UBE2G1: variants seen among roughly 807,000 people sequenced by gnomAD.
UBE2G1 encodes the protein ubiquitin conjugating enzyme E2 G1.
A neutral mutation model predicts 22.7 loss-of-function variants in UBE2G1; 5 were observed. That is an observed-to-expected ratio of 0.22 (90% CI 0.12 to 0.46). UBE2G1 has a LOEUF of 0.46. Among genes scored for constraint, UBE2G1 ranks in the 20% least tolerant of loss-of-function variants. The probability of loss-of-function intolerance (pLI) is 0.99; values close to 1 mark genes in which losing one functional copy is unlikely to be tolerated. For synonymous variants in UBE2G1, 74 were observed against 67.5 expected (o/e 1.10, Z -0.47); for missense variants, 88 against 203.9 (o/e 0.43, Z 3.46).
At chr17:4,297,939 C>A (rs996967330) in intron 2 of UBE2G1, among the ~76,000 whole-genome samples, 1 of 152,116 alleles carries the variant, frequency 6.6e-6, no homozygotes, top group Non-Finnish European at 1.5e-5. Context: ...ATTCACTGAA[C>A]AAATATACAT....
rs148070398 is a variant in UBE2G1 at position 4,291,799 on chromosome 17, A to G, written c.248-2391T>C. Reference sequence around the variant, plus strand: ...TATTGATGCTGTTTAAATTTCATATATAACATCTGGTTTAATTCACTTTTC... The same window carrying G: ...TATTGATGCTGTTTAAATTTCATATGTAACATCTGGTTTAATTCACTTTTC... On this transcript the variant is annotated intron_variant, in intron 3 of 5. Transcript: ENST00000396981. 1.4e-4 allele frequency among the ~76,000 whole-genome samples: 22 copies of G among 152,302 alleles called. No homozygotes were observed. In the East Asian group the frequency reaches 4.2e-3, roughly 29 times the overall value.
chr17:4,311,248 T>A (rs12600527), intron 1 of UBE2G1, among the ~76,000 whole-genome samples: 83,473 of 151,564 alleles, frequency 0.55, 26,046 homozygotes, highest in East Asian at 0.8. Context: ...TAATTTTTTT[T>A]AAAAAAAGTA....
chr17:4,300,198 T>C (rs571066480), intron 2 of UBE2G1, among the ~76,000 whole-genome samples: 1 of 152,188 alleles, frequency 6.6e-6, no homozygotes, highest in African/African-American at 2.4e-5. Context: ...AGAATAACAC[T>C]GTAGACTACA....
chr17:4,336,447 ATTT>A (rs1438249541), intron 1 of UBE2G1, among the ~76,000 whole-genome samples: 2 of 152,212 alleles, frequency 1.3e-5, no homozygotes, highest in African/African-American at 4.8e-5. Context: ...GAAAAGGGTC[ATTT>A]TTTATAATGA....
chr17:4,338,463 C>T (rs957549789), intron 1 of UBE2G1, among the ~76,000 whole-genome samples: 1 of 152,142 alleles, frequency 6.6e-6, no homozygotes, highest in Non-Finnish European at 1.5e-5. Flanking sequence ...GCATAAGTTA[C>T]ACAGTTAGCT....
intron 4 of UBE2G1, among the ~76,000 whole-genome samples, chr17:4,284,634 T>C (rs1968936558): frequency 6.6e-6 from 1 of 151,486 alleles, no homozygotes; most frequent in South Asian, 2.1e-4. Flanking sequence ...AAAGAACTGC[T>C]AGTGTGGGTA....
chr17:4,282,232 G>A (rs563114795), intron 5 of UBE2G1, among the ~76,000 whole-genome samples: 116 of 152,208 alleles, frequency 7.6e-4, no homozygotes, highest in African/African-American at 2.6e-3. Context: ...ACAGGCACAC[G>A]CCACCAGGCC....
At chr17:4,298,257 T>C (rs1969133682) in intron 2 of UBE2G1, among the ~76,000 whole-genome samples, 1 of 152,064 alleles carries the variant, frequency 6.6e-6, no homozygotes, top group Admixed American at 6.6e-5. Context: ...GCCCAAGAAG[T>C]TGAGGCTTCA....
At chr17:4,363,945 CG>C (rs925106818) in intron 1 of UBE2G1, among the ~76,000 whole-genome samples, 4 of 79,362 alleles carry the variant, frequency 5.0e-5, no homozygotes, top group African/African-American at 3.1e-4. Context: ...AGTAAGACTC[CG>C]TCTCAAAAAA....
chr17:4,290,707 C>T (rs1969023653), intron 3 of UBE2G1, among the ~76,000 whole-genome samples: 1 of 149,504 alleles, frequency 6.7e-6, no homozygotes, highest in African/African-American at 2.5e-5. Flanking sequence ...TCTCAAACTC[C>T]TGGGCTCTAG....
chr17:4,340,331 T>C (rs753980995), intron 1 of UBE2G1, among the ~76,000 whole-genome samples: 1 of 152,202 alleles, frequency 6.6e-6, no homozygotes, highest in East Asian at 1.9e-4. Flanking sequence ...ATTTTCAAAA[T>C]AGGAATATAC....
intron 1 of UBE2G1, among the ~76,000 whole-genome samples, chr17:4,316,495 G>A (rs915261236): frequency 6.6e-6 from 1 of 151,996 alleles, no homozygotes; most frequent in Non-Finnish European, 1.5e-5. Context: ...AAACGTTCCC[G>A]TCCTTCAACC....
intron 5 of UBE2G1, among the ~76,000 whole-genome samples, chr17:4,273,374 G>T (rs1299514253): frequency 3.9e-5 from 6 of 152,164 alleles, no homozygotes; most frequent in Non-Finnish European, 8.8e-5. Flanking sequence ...TTGAGACAGG[G>T]TCCCACTCTG....
intron 1 of UBE2G1, among the ~76,000 whole-genome samples, chr17:4,319,893 A>T (rs1316560339): frequency 6.6e-6 from 1 of 152,150 alleles, no homozygotes; most frequent in Admixed American, 6.5e-5. Flanking sequence ...CGCAGGTGAA[A>T]GGGACCAGTG....
chr17:4,312,706 A>G (rs1019636959), intron 1 of UBE2G1, among the ~76,000 whole-genome samples: 2 of 151,972 alleles, frequency 1.3e-5, no homozygotes, highest in African/African-American at 4.8e-5. Context: ...AAAAAAAAAA[A>G]AAAAAAAAAC....
intron 1 of UBE2G1, among the ~76,000 whole-genome samples, chr17:4,351,060 G>A (rs999313030): frequency 7.3e-5 from 11 of 151,402 alleles, no homozygotes; most frequent in Non-Finnish European, 1.3e-4. Context: ...TTAGCCAGGT[G>A]TAGTGGTGCG....
chr17:4,315,965 G>A (rs1042959501), intron 1 of UBE2G1, among the ~76,000 whole-genome samples: 1 of 150,450 alleles, frequency 6.6e-6, no homozygotes, highest in Non-Finnish European at 1.5e-5. Context: ...CCACCACCAC[G>A]CCCGGCTAAT....
At chr17:4,308,635 T>C (rs1969274218) in intron 1 of UBE2G1, among the ~76,000 whole-genome samples, 2 of 152,216 alleles carry the variant, frequency 1.3e-5, no homozygotes, top group Admixed American at 1.3e-4. Flanking sequence ...CCCACACAAT[T>C]ATCACATTTT....
intron 2 of UBE2G1, among the ~76,000 whole-genome samples, chr17:4,306,367 A>G (rs1969249089): frequency 6.6e-6 from 1 of 151,688 alleles, no homozygotes; most frequent in Admixed American, 6.6e-5. Context: ...TCGTATTCTT[A>G]GTAGAGATGG....
Sources: allele counts gnomAD v4.1 joint callset (sites outside exome capture counted in the v4.1 genomes callset), GRCh38; gene constraint gnomAD v4.1.1; transcripts MANE v1.5; gene names NCBI Gene and HGNC (gene_info 2026-07-23, HGNC 2026-07-21).